TTC7B: variants seen among roughly 807,000 people sequenced by gnomAD.
The protein encoded by TTC7B is tetratricopeptide repeat domain 7B.
TTC7B carries 28 observed loss-of-function variants against 106.8 expected under a neutral mutation model. The ratio of observed to expected loss-of-function variants is 0.26; its 90% CI spans 0.19 to 0.36. The LOEUF is 0.36. Ranked by LOEUF, TTC7B falls within the 10% of genes least tolerant of loss-of-function variation. The probability of loss-of-function intolerance (pLI) is 1.00; values close to 1 mark genes in which losing one functional copy is unlikely to be tolerated. For missense variants in TTC7B, 862 were observed against 1,076.4 expected (o/e 0.80, Z 2.79); for synonymous variants, 405 against 430.6 (o/e 0.94, Z 0.74).
chr14:90,694,905 C>A, intron 6 of TTC7B, among the ~76,000 whole-genome samples: 2 of 51,874 alleles, frequency 3.9e-5, no homozygotes, highest in African/African-American at 7.0e-5. Flanking sequence ...ACATATATGT[C>A]ACATATATTT....
chr14:90,781,650 A>G (rs1180785588), intron 2 of TTC7B, among the ~76,000 whole-genome samples: 1 of 152,194 alleles, frequency 6.6e-6, no homozygotes, highest in Non-Finnish European at 1.5e-5. Context: ...CAACCCTGTA[A>G]CCCAAATAAC....
At position 90,613,043 on chromosome 14, in the gene TTC7B, G is replaced by C. The variant is rs117402824; in HGVS notation, c.1869-2204C>G. 5.4e-4 allele frequency among the ~76,000 whole-genome samples: 82 copies of C among 152,288 alleles called. 2 individuals are homozygous for C. In the East Asian group the frequency reaches 0.012, roughly 22 times the overall value. On this transcript the variant is annotated intron_variant, in intron 16 of 19. Coordinates refer to ENST00000328459, the MANE Select transcript of TTC7B (RefSeq NM_001010854.2). The stretch of plus-strand genomic sequence containing the variant: ...ACTTCCTTTGGAAAACAGTGTGTAC[G>C]CAACAATCAACTATTCAACATAGAG...
chr14:90,769,142 T>C (rs1890782090), intron 3 of TTC7B, among the ~76,000 whole-genome samples: 1 of 152,168 alleles, frequency 6.6e-6, no homozygotes, highest in African/African-American at 2.4e-5. Context: ...TCAAATGGAA[T>C]CTTCATGGTA....
rs979742687 is a variant in TTC7B at position 90,802,748 on chromosome 14, C to A, written c.121+13427G>T. Among the ~76,000 whole-genome samples the A allele has an allele frequency of 6.6e-6, 1 of 152,016 alleles. No homozygotes were observed. The highest frequency in any genetic ancestry group is 6.6e-5 in the Admixed American group (1 of 15,256). On this transcript the variant is annotated intron_variant, in intron 1 of 19. Transcript: ENST00000328459. The surrounding 1 kb of genome is among the most constrained non-coding windows in gnomAD (Gnocchi z 4.7). The stretch of plus-strand genomic sequence containing the variant: ...CGGGTACTCCCCAGGGACGCTGCTG[C>A]GCAGGTGCAGGCGTGGAGAGGCAGA...
chr14:90,745,429 C>T (rs1420033299), intron 3 of TTC7B, among the ~76,000 whole-genome samples: 6 of 152,058 alleles, frequency 3.9e-5, no homozygotes, highest in African/African-American at 7.2e-5. Context: ...TTTTCTTAGA[C>T]GCCCTTTACC....
intron 5 of TTC7B, among the ~76,000 whole-genome samples, chr14:90,707,162 T>C (rs1888244802): frequency 6.6e-6 from 1 of 152,220 alleles, no homozygotes; most frequent in Non-Finnish European, 1.5e-5. Context: ...TTCAGAATAA[T>C]ACTAATAATA....
At chr14:90,791,239 C>T (rs2140045904) in intron 1 of TTC7B, among the ~76,000 whole-genome samples, 1 of 152,298 alleles carries the variant, frequency 6.6e-6, no homozygotes, top group South Asian at 2.1e-4. Flanking sequence ...TCCCAAACCA[C>T]CTCGAGCAGC....
chr14:90,549,862 G>A (rs73324897), intron 19 of TTC7B, among the ~76,000 whole-genome samples: 1,963 of 152,268 alleles, frequency 0.013, 42 homozygotes, highest in African/African-American at 0.043. Flanking sequence ...TTAGCAGATC[G>A]CCCAGCATAT....
At chr14:90,702,971 T>C (rs1373099365) in intron 5 of TTC7B, among the ~76,000 whole-genome samples, 1 of 152,186 alleles carries the variant, frequency 6.6e-6, no homozygotes, top group Non-Finnish European at 1.5e-5. Flanking sequence ...TGGAGACTGT[T>C]CTGAGTTCAT....
chr14:90,811,159 A>C (rs2030881667), intron 1 of TTC7B, among the ~76,000 whole-genome samples: 1 of 152,238 alleles, frequency 6.6e-6, no homozygotes, highest in South Asian at 2.1e-4. Context: ...CAAATAAATG[A>C]GTCTTCTGAA....
chr14:90,553,560 T>C (rs1179533033), intron 19 of TTC7B, among the ~76,000 whole-genome samples: 1 of 152,218 alleles, frequency 6.6e-6, no homozygotes, highest in Non-Finnish European at 1.5e-5. Flanking sequence ...TGGTTAAATG[T>C]GGAGCCCTCA....
At position 90,542,394 on chromosome 14, in the gene TTC7B, G is replaced by A. The variant is rs763738135; in HGVS notation, c.2311-805C>T. On this transcript the variant is annotated intron_variant, in intron 19 of 19. Coordinates refer to ENST00000328459, the MANE Select transcript of TTC7B (RefSeq NM_001010854.2). Reference sequence around the variant, plus strand: ...CAGGCTGTGCCCAGCTGTCATCTTCGTTTTCCTTGGTTGGGGTGTACCCGT... The same window carrying A: ...CAGGCTGTGCCCAGCTGTCATCTTCATTTTCCTTGGTTGGGGTGTACCCGT... 1.7e-4 allele frequency among the ~76,000 whole-genome samples: 26 copies of A among 152,204 alleles called. 1 individual carries two copies. The highest frequency in any genetic ancestry group is 3.9e-4 in the East Asian group (2 of 5,176).
intron 19 of TTC7B, among the ~76,000 whole-genome samples, chr14:90,576,740 T>A (rs551099207): frequency 8.5e-5 from 13 of 152,316 alleles, no homozygotes; most frequent in Non-Finnish European, 2.9e-5. Context: ...GGGGCCTAAT[T>A]CCCAGTGCAT....
intron 9 of TTC7B, among the ~76,000 whole-genome samples, chr14:90,674,091 T>C (rs1456721892): frequency 1.3e-5 from 2 of 152,076 alleles, no homozygotes; most frequent in African/African-American, 4.8e-5. Context: ...ACGTGAATTG[T>C]ACTTCAATTA....
chr14:90,583,071 G>A (rs1237802927), intron 18 of TTC7B, among the ~76,000 whole-genome samples: 1 of 152,178 alleles, frequency 6.6e-6, no homozygotes, highest in Admixed American at 6.5e-5. Flanking sequence ...GGAGTCCATA[G>A]CCCAAATAAG....
rs1891309163 is a variant in TTC7B at position 90,577,568 on chromosome 14, C to T, written c.2310+538G>A. Among the ~76,000 whole-genome samples, 1 of 152,200 alleles carries T rather than the reference C, an allele frequency of 6.6e-6. No individual in the cohort carries two copies. The highest frequency in any genetic ancestry group is 2.4e-5 in the African/African-American group (1 of 41,452). ...TGTGGACACTAGGGTGACTCATCTG[C>T]CTCCCACCTCTCAGGGCAACATGGC... On this transcript the variant is annotated intron_variant, in intron 19 of 19. Coordinates refer to ENST00000328459, the MANE Select transcript of TTC7B (RefSeq NM_001010854.2). This position sits in a 1 kb window ranked among gnomAD's most constrained non-coding sequence, Gnocchi z 5.0.
intron 18 of TTC7B, among the ~76,000 whole-genome samples, chr14:90,589,152 A>G (rs1384289288): frequency 6.6e-6 from 1 of 152,346 alleles, no homozygotes; most frequent in Non-Finnish European, 1.5e-5. Context: ...TGGAATGTAA[A>G]CTGGTACAAT....
intron 15 of TTC7B, among the ~76,000 whole-genome samples, chr14:90,643,516 T>TA (rs1182557403): frequency 2.6e-5 from 4 of 152,150 alleles, no homozygotes; most frequent in Non-Finnish European, 4.4e-5. Context: ...TAAAGTATTT[T>TA]AAAAAAATAA....
chr14:90,622,204 C>T (rs988228681), intron 15 of TTC7B, among the ~76,000 whole-genome samples: 17 of 151,300 alleles, frequency 1.1e-4, no homozygotes, highest in Admixed American at 8.6e-4. Flanking sequence ...TGTCAACCTC[C>T]GCCTCCCAGG....
Sources: allele counts gnomAD v4.1 joint callset (sites outside exome capture counted in the v4.1 genomes callset), GRCh38; gene constraint gnomAD v4.1.1; non-coding constraint Gnocchi (gnomAD v3.1); transcripts MANE v1.5; gene names NCBI Gene and HGNC (gene_info 2026-07-23, HGNC 2026-07-21).